RBPMS: variants seen among roughly 807,000 people sequenced by gnomAD.
RBPMS encodes RNA binding protein, mRNA processing factor, also known as RNA-binding protein with multiple splicing.
Under a neutral mutation model 26.8 loss-of-function variants are expected in RBPMS, and 7 were observed. The observed-to-expected ratio is 0.26, with a 90% CI of 0.15 to 0.49. The LOEUF is 0.49. Among genes scored for constraint, RBPMS ranks in the 20% least tolerant of loss-of-function variants. The probability of loss-of-function intolerance (pLI) is 0.98; values close to 1 mark genes in which losing one functional copy is unlikely to be tolerated. For synonymous variants in RBPMS, 96 were observed against 93.3 expected (o/e 1.03, Z -0.17); for missense variants, 186 against 250.0 (o/e 0.74, Z 1.73).
chr8:30,453,681 G>C (rs573566447), intron 1 of RBPMS: 2 of 152,230 alleles, frequency 1.3e-5, no homozygotes, highest in African/African-American at 4.8e-5. Flanking sequence ...TTCTCTGCCT[G>C]TGTGAGATTC....
intron 6 of RBPMS, among the ~76,000 whole-genome samples, chr8:30,550,332 T>C (rs1215070408): frequency 6.6e-6 from 1 of 152,196 alleles, no homozygotes; most frequent in Admixed American, 6.5e-5. Context: ...AGCAAGTTTC[T>C]TAACCTCTCT....
chr8:30,538,090 A>G (rs537982892), intron 5 of RBPMS, among the ~76,000 whole-genome samples: 10 of 152,214 alleles, frequency 6.6e-5, no homozygotes, highest in Non-Finnish European at 1.5e-4. Flanking sequence ...GGAAATGACC[A>G]AGGTCCATGA....
intron 5 of RBPMS, among the ~76,000 whole-genome samples, chr8:30,538,673 A>G (rs977067140): frequency 6.6e-6 from 1 of 152,196 alleles, no homozygotes; most frequent in African/African-American, 2.4e-5. Flanking sequence ...GGCTGCCACA[A>G]CAGATTACCA....
At chr8:30,423,817 G>GTTTT (rs1374727723) in intron 1 of RBPMS, among the ~76,000 whole-genome samples, 19 of 53,716 alleles carry the variant, frequency 3.5e-4, no homozygotes, top group East Asian at 2.5e-3. Context: ...ATCTGGATGG[G>GTTTT]TTTTTTGTTT....
chr8:30,418,760 G>A (rs1211474566), intron 1 of RBPMS, among the ~76,000 whole-genome samples: 1 of 152,002 alleles, frequency 6.6e-6, no homozygotes, highest in South Asian at 2.1e-4. Context: ...TGTATTTCTA[G>A]TAGAGACTGG....
rs1475167864 is a variant in RBPMS at position 30,479,381 on chromosome 8, A to C, written c.246+4A>C. The C allele has an allele frequency of 1.3e-6, 2 of 1,593,722 alleles. No individual in the cohort carries two copies. Among genetic ancestry groups the C allele is most frequent in the Non-Finnish European group, 1.7e-6 (2 of 1,167,890 alleles). On this transcript the variant is annotated splice_donor_region_variant and intron_variant, in intron 4 of 8. Coordinates refer to ENST00000397323, the MANE Select transcript of RBPMS (RefSeq NM_001008710.3). ...GGCTGCAAAGAATGCTTTGAATGTA[A>C]GTACTAATGATGTAATTGTAGGGGG...
In RBPMS at chr8:30,486,392, C is replaced by T. The variant is rs920428354; in HGVS notation, c.246+7015C>T. 8.6e-5 allele frequency among the ~76,000 whole-genome samples: 13 copies of T among 151,290 alleles called. No individual in the cohort carries two copies. In the South Asian group the frequency reaches 2.7e-3, roughly 32 times the overall value. On this transcript the variant is annotated intron_variant, in intron 4 of 8. Coordinates refer to ENST00000397323, the MANE Select transcript of RBPMS (RefSeq NM_001008710.3). ...AAAAAAAACAAAAAACAGGGTTCAG[C>T]CCAGGTCTGTATCCAGTGCCCCTAC... is the stretch of plus-strand genomic sequence containing the variant.
At chr8:30,470,563 C>T (rs1272791893) in intron 1 of RBPMS, among the ~76,000 whole-genome samples, 2 of 152,118 alleles carry the variant, frequency 1.3e-5, no homozygotes, top group Admixed American at 1.3e-4. Flanking sequence ...TAAGTGACCT[C>T]TAGTTGGAAT....
chr8:30,516,482 G>A (rs1038600115), intron 5 of RBPMS, among the ~76,000 whole-genome samples: 2 of 152,120 alleles, frequency 1.3e-5, no homozygotes, highest in South Asian at 2.1e-4. Flanking sequence ...ACTAGCCCAC[G>A]AGTAACTGGT....
intron 1 of RBPMS, among the ~76,000 whole-genome samples, chr8:30,430,688 GT>G (rs1201642752): frequency 1.3e-5 from 2 of 152,144 alleles, no homozygotes; most frequent in Non-Finnish European, 2.9e-5. Context: ...TTTTATACAT[GT>G]TTGAGTTACA....
At chr8:30,517,200 G>C (rs1054268131) in intron 5 of RBPMS, among the ~76,000 whole-genome samples, 1 of 90,640 alleles carries the variant, frequency 1.1e-5, no homozygotes, top group Admixed American at 1.0e-4. Context: ...GTGTGTGTGT[G>C]TGTGTGTGTG....
intron 5 of RBPMS, among the ~76,000 whole-genome samples, chr8:30,541,944 A>T (rs2979514): frequency 2.0e-5 from 3 of 152,190 alleles, no homozygotes; most frequent in Non-Finnish European, 2.9e-5. Context: ...GAGAGTGCTC[A>T]GGCTCATACT....
chr8:30,519,551 T>G (rs924120961), intron 5 of RBPMS, among the ~76,000 whole-genome samples: 2 of 139,654 alleles, frequency 1.4e-5, no homozygotes, highest in African/African-American at 5.4e-5. Flanking sequence ...TGGTGCGATC[T>G]CGGCTCACTG....
intron 1 of RBPMS, among the ~76,000 whole-genome samples, chr8:30,468,157 G>A (rs1015128678): frequency 3.2e-4 from 48 of 152,100 alleles, no homozygotes; most frequent in African/African-American, 1.1e-3. Context: ...AGGTTAATGA[G>A]TTTGGGCTTT....
intron 1 of RBPMS, among the ~76,000 whole-genome samples, chr8:30,391,614 T>A (rs1393327010): frequency 6.6e-6 from 1 of 152,116 alleles, no homozygotes; most frequent in Non-Finnish European, 1.5e-5. Flanking sequence ...ATGCCCCTGG[T>A]GGGGATGAGC....
chr8:30,528,819 G>GT (rs1480255939), intron 5 of RBPMS, among the ~76,000 whole-genome samples: 1 of 151,750 alleles, frequency 6.6e-6, no homozygotes, highest in Admixed American at 6.6e-5. Context: ...TTTTTGGTTT[G>GT]TTTTTTGGTT....
intron 8 of RBPMS, among the ~76,000 whole-genome samples, chr8:30,568,642 C>T (rs554586658): frequency 6.6e-6 from 1 of 152,298 alleles, no homozygotes; most frequent in South Asian, 2.1e-4. Flanking sequence ...AGGAAGGCCC[C>T]GCGAGGAGAA....
intron 1 of RBPMS, chr8:30,445,459 G>C (rs1813617738): frequency 6.6e-6 from 1 of 151,546 alleles, no homozygotes; most frequent in Admixed American, 6.6e-5. Context: ...TTATTTTATT[G>C]GCTTATATCT....
chr8:30,408,507 C>T (rs752674743), intron 1 of RBPMS, among the ~76,000 whole-genome samples: 25 of 152,122 alleles, frequency 1.6e-4, no homozygotes, highest in African/African-American at 6.0e-4. Flanking sequence ...CCAGCCTGGG[C>T]AACAGAACGA....
Sources: gnomAD v4.1 joint callset for allele counts (sites outside exome capture counted in the v4.1 genomes callset) on GRCh38, gnomAD v4.1.1 for gene constraint, MANE v1.5 for transcripts, NCBI Gene and HGNC (gene_info 2026-07-23, HGNC 2026-07-21) for gene names.